GMDS: variants seen among roughly 807,000 people sequenced by gnomAD.
The protein encoded by GMDS is GDP-mannose 4,6 dehydratase.
A neutral mutation model predicts 49.9 loss-of-function variants in GMDS; 20 were observed. The ratio of observed to expected loss-of-function variants is 0.40; its 90% CI spans 0.28 to 0.58. The LOEUF (loss-of-function observed/expected upper bound fraction) is 0.58, where lower values mean the gene tolerates loss of function less well. Among genes scored for constraint, GMDS ranks in the 20% least tolerant of loss-of-function variants. The pLI, the probability that GMDS is intolerant of heterozygous loss-of-function variation, is 0.42. For missense variants in GMDS, 362 were observed against 481.4 expected, an observed-to-expected ratio of 0.75 and a Z score of 2.32; for synonymous variants, 177 against 178.6, an observed-to-expected ratio of 0.99 and a Z score of 0.07.
intron 7 of GMDS, among the ~76,000 whole-genome samples, chr6:1,799,528 T>C (rs1012798143): frequency 6.6e-6 from 1 of 152,188 alleles, no homozygotes; most frequent in Non-Finnish European, 1.5e-5. Context: ...ATTATCGAAA[T>C]AGGTGAAAGA....
intron 9 of GMDS, among the ~76,000 whole-genome samples, chr6:1,631,142 T>A (rs1181675377): frequency 6.6e-6 from 1 of 152,162 alleles, no homozygotes; most frequent in African/African-American, 2.4e-5. Context: ...GCACCCTGGA[T>A]ACAAGAGGAA....
intron 1 of GMDS, among the ~76,000 whole-genome samples, chr6:2,171,923 C>T (rs1450863019): frequency 6.6e-6 from 1 of 152,090 alleles, no homozygotes; most frequent in Non-Finnish European, 1.5e-5. Flanking sequence ...CAGTGAGGGG[C>T]TAAACTGACG....
chr6:1,888,731 T>C (rs932634735), intron 7 of GMDS, among the ~76,000 whole-genome samples: 2 of 152,130 alleles, frequency 1.3e-5, no homozygotes, highest in African/African-American at 2.4e-5. Flanking sequence ...ACAAGGCAAG[T>C]CCCTTCTGCC....
rs1393753491 is a variant in GMDS, at chr6:1,960,870, C to T, written c.442G>A (p.Val148Met). 6.2e-7 allele frequency: 1 copy of T among 1,612,384 alleles called. No homozygotes were observed. Among genetic ancestry groups the T allele is most frequent in the East Asian group, 2.2e-5 (1 of 44,882 alleles). The change falls in exon 5 of 11, where the codon GTG becomes ATG. Residue 148 changes from valine (V) to methionine (M), a missense_variant. By Grantham distance (21) the Val-to-Met change is conservative (BLOSUM62 1). Coordinates refer to ENST00000380815, the MANE Select transcript of GMDS (RefSeq NM_001500.4). ...AVKTCGLINS[V>M]KFYQASTSEL... is the part of the protein sequence containing the mutation. ...CTTGTTGAGGCTTGGTAGAACTTCA[C>T]AGAGTTGATAAGGCCACAAGTCTTA...
intron 7 of GMDS, among the ~76,000 whole-genome samples, chr6:1,758,785 T>C (rs1314651987): frequency 6.6e-6 from 1 of 152,222 alleles, no homozygotes; most frequent in Admixed American, 6.5e-5. Flanking sequence ...GGGTGACTTC[T>C]GGATTACAGG....
chr6:1,681,059 A>G (rs1764769745), intron 9 of GMDS, among the ~76,000 whole-genome samples: 1 of 152,130 alleles, frequency 6.6e-6, no homozygotes, highest in African/African-American at 2.4e-5. Context: ...ATACATACAC[A>G]TGCTCACACA....
At chr6:1,708,743 C>T (rs978284089) in intron 9 of GMDS, among the ~76,000 whole-genome samples, 90 of 152,210 alleles carry the variant, frequency 5.9e-4, no homozygotes, top group African/African-American at 2.1e-3. Flanking sequence ...GCCTGGCTGG[C>T]GTTCCTCTGA....
intron 9 of GMDS, among the ~76,000 whole-genome samples, chr6:1,684,337 G>T (rs9405144): frequency 0.18 from 27,638 of 152,048 alleles, 2,771 homozygotes; most frequent in East Asian, 0.49. Flanking sequence ...ATGAACCGTG[G>T]GCTCACTCAA....
intron 4 of GMDS, chr6:2,043,515 A>G (rs1383739146): frequency 5.9e-5 from 9 of 152,240 alleles, no homozygotes; most frequent in Admixed American, 5.9e-4. Context: ...TGGCACAGAA[A>G]CACTTGGAAG....
intron 4 of GMDS, among the ~76,000 whole-genome samples, chr6:2,004,557 T>C (rs1053934882): frequency 4.6e-5 from 7 of 152,196 alleles, no homozygotes; most frequent in Non-Finnish European, 8.8e-5. Flanking sequence ...TGACAGCTCA[T>C]AGTTGCTTAA....
rs77767946 is a variant in GMDS, at chr6:1,929,434, A to G, written c.771+669T>C. Among the ~76,000 whole-genome samples, 1,096 of 152,382 alleles carry G rather than the reference A, an allele frequency of 7.2e-3. 3 individuals are homozygous for G. The highest frequency in any genetic ancestry group is 0.014 in the Middle Eastern group (4 of 294). On this transcript the variant is annotated intron_variant, in intron 7 of 10. Coordinates refer to ENST00000380815, the MANE Select transcript of GMDS (RefSeq NM_001500.4). ...TAAAAGGTAACCATTTGTTTATAAAAGAAAAATCATACTACTTGCGTATGT... is the reference window on the plus strand; with the variant it reads ...TAAAAGGTAACCATTTGTTTATAAAGGAAAAATCATACTACTTGCGTATGT...
intron 4 of GMDS, among the ~76,000 whole-genome samples, chr6:2,107,179 A>G (rs996229887): frequency 6.6e-6 from 1 of 152,262 alleles, no homozygotes; most frequent in African/African-American, 2.4e-5. Flanking sequence ...TATCAAAATT[A>G]CAATACCACC....
At chr6:1,896,116 G>C (rs113270753) in intron 7 of GMDS, among the ~76,000 whole-genome samples, 1 of 152,270 alleles carries the variant, frequency 6.6e-6, no homozygotes, top group African/African-American at 2.4e-5. Flanking sequence ...GATTATGTAA[G>C]GGCTGGAGCT....
chr6:2,184,542 T>C (rs1581763674), intron 1 of GMDS, among the ~76,000 whole-genome samples: 3 of 152,288 alleles, frequency 2.0e-5, no homozygotes, highest in South Asian at 4.1e-4. Context: ...TGACTTTAGA[T>C]TTCAGTTCAA....
intron 9 of GMDS, among the ~76,000 whole-genome samples, chr6:1,701,901 A>G (rs893055557): frequency 1.3e-5 from 2 of 152,256 alleles, no homozygotes; most frequent in South Asian, 2.1e-4. Context: ...AAAGAGAAGT[A>G]GTTCTTCCAA....
At chr6:2,140,213 A>G (rs552580654) in intron 1 of GMDS, among the ~76,000 whole-genome samples, 1 of 152,236 alleles carries the variant, frequency 6.6e-6, no homozygotes, top group South Asian at 2.1e-4. Context: ...TAATCGCGAG[A>G]GTCCTTATAA....
At chr6:2,031,700 G>A (rs2127417313) in intron 4 of GMDS, among the ~76,000 whole-genome samples, 1 of 152,228 alleles carries the variant, frequency 6.6e-6, no homozygotes, top group East Asian at 1.9e-4. Context: ...CTGGGCTCAG[G>A]GCATTCCTGG....
chr6:1,774,144 T>A (rs577416455), intron 7 of GMDS, among the ~76,000 whole-genome samples: 1 of 152,250 alleles, frequency 6.6e-6, no homozygotes, highest in South Asian at 2.1e-4. Flanking sequence ...AATAAATGAA[T>A]CAAAACCATA....
At chr6:2,179,292 AG>A (rs994111576) in intron 1 of GMDS, among the ~76,000 whole-genome samples, 8 of 152,188 alleles carry the variant, frequency 5.3e-5, no homozygotes, top group African/African-American at 1.9e-4. Context: ...GAAGACAAAA[AG>A]GTTATGCCAA....
Sources: gnomAD v4.1 joint callset for allele counts (sites outside exome capture counted in the v4.1 genomes callset) on GRCh38, gnomAD v4.1.1 for gene constraint, MANE v1.5 for transcripts, NCBI Gene and HGNC (gene_info 2026-07-23, HGNC 2026-07-21) for gene names.